GRIK2: variants seen among roughly 807,000 people sequenced by gnomAD.
The protein encoded by GRIK2 is glutamate receptor ionotropic, kainate 2.
Under a neutral mutation model 100.3 loss-of-function variants are expected in GRIK2, and 32 were observed. That is an observed-to-expected ratio of 0.32 (90% CI 0.24 to 0.43). GRIK2 has a LOEUF of 0.43. GRIK2 is among the 20% of genes least tolerant of loss of function. GRIK2 has a pLI of 1.00. For synonymous variants in GRIK2, 417 were observed against 389.4 expected, an observed-to-expected ratio of 1.07 and a Z score of -0.83; for missense variants, 843 against 1,114.9, an observed-to-expected ratio of 0.76 and a Z score of 3.47.
intron 12 of GRIK2, among the ~76,000 whole-genome samples, chr6:101,900,077 G>A (rs900485814): frequency 1.3e-5 from 2 of 152,056 alleles, no homozygotes; most frequent in Admixed American, 1.3e-4. Context: ...ATTTTAAAAT[G>A]TTGATATTAC....
intron 7 of GRIK2, among the ~76,000 whole-genome samples, chr6:101,713,002 G>C (rs1441089216): frequency 6.6e-6 from 1 of 151,584 alleles, no homozygotes; most frequent in Non-Finnish European, 1.5e-5. Flanking sequence ...AAATATGTTT[G>C]GTAAAGATCA....
intron 11 of GRIK2, among the ~76,000 whole-genome samples, chr6:101,888,445 T>G (rs1786811478): frequency 6.6e-6 from 1 of 152,206 alleles, no homozygotes; most frequent in African/African-American, 2.4e-5. Flanking sequence ...ATTATTGTTT[T>G]AAATTGATAT....
At chr6:101,791,324 T>G (rs952259642) in intron 7 of GRIK2, among the ~76,000 whole-genome samples, 12 of 152,204 alleles carry the variant, frequency 7.9e-5, no homozygotes, top group Non-Finnish European at 1.8e-4. Context: ...GGATCTTTCC[T>G]GCTTTCTCTT....
chr6:101,746,304 T>C (rs1776416898), intron 7 of GRIK2, among the ~76,000 whole-genome samples: 1 of 152,302 alleles, frequency 6.6e-6, no homozygotes, highest in South Asian at 2.1e-4. Flanking sequence ...TCCAGTCTTA[T>C]TGTTAACATC....
At chr6:101,579,689 A>G (rs922393196) in intron 2 of GRIK2, among the ~76,000 whole-genome samples, 2 of 151,922 alleles carry the variant, frequency 1.3e-5, no homozygotes, top group African/African-American at 4.8e-5. Context: ...CATCTCTACT[A>G]AAAATACAAA....
chr6:101,909,381 TC>T (rs201113029), intron 12 of GRIK2, among the ~76,000 whole-genome samples: 1,590 of 136,160 alleles, frequency 0.012, 59 homozygotes, highest in Non-Finnish European at 0.016. Context: ...GTTTTCTTTT[TC>T]TTTTTTTTTT....
intron 14 of GRIK2, among the ~76,000 whole-genome samples, chr6:101,964,930 G>T (rs1159332096): frequency 6.6e-6 from 1 of 152,090 alleles, no homozygotes; most frequent in African/African-American, 2.4e-5. Flanking sequence ...AGGGCATAGG[G>T]TGTAGATTAT....
intron 10 of GRIK2, among the ~76,000 whole-genome samples, chr6:101,856,909 T>A (rs1403954637): frequency 2.0e-5 from 3 of 152,112 alleles, no homozygotes; most frequent in Admixed American, 6.5e-5. Context: ...TGTAGGTGGA[T>A]TTTGAATATA....
chr6:101,479,413 G>C (rs1772411582), intron 2 of GRIK2, among the ~76,000 whole-genome samples: 1 of 152,008 alleles, frequency 6.6e-6, no homozygotes, highest in Non-Finnish European at 1.5e-5. Flanking sequence ...TGAAAAACCA[G>C]CCTAATCATT....
At chr6:101,567,607 A>G (rs1777338938) in intron 2 of GRIK2, among the ~76,000 whole-genome samples, 1 of 151,996 alleles carries the variant, frequency 6.6e-6, no homozygotes, top group South Asian at 2.1e-4. Context: ...AAGTCCAGCT[A>G]TAATGCTGCC....
chr6:101,449,829 A>G (rs1388720463), intron 2 of GRIK2, among the ~76,000 whole-genome samples: 2 of 151,726 alleles, frequency 1.3e-5, no homozygotes, highest in Non-Finnish European at 3.0e-5. Flanking sequence ...ATTTTGACAC[A>G]CAAAGGGAGA....
chr6:101,611,863 A>G (rs763162242), intron 2 of GRIK2, among the ~76,000 whole-genome samples: 1 of 151,808 alleles, frequency 6.6e-6, no homozygotes, highest in Non-Finnish European at 1.5e-5. Context: ...TCACTTTTTA[A>G]CCAGCATACA....
chr6:102,012,754 G>C (rs888482912), intron 14 of GRIK2, among the ~76,000 whole-genome samples: 5 of 152,048 alleles, frequency 3.3e-5, no homozygotes, highest in African/African-American at 1.2e-4. Flanking sequence ...TAGGTATGTG[G>C]CCTTATTTCT....
rs746635578 is a variant in GRIK2, at chr6:101,889,768, C to A, written c.1653C>A (p.Gly551=). The change falls in exon 12 of 17, where the codon GGC becomes GGA. Residue 551 remains glycine, a synonymous_variant. Transcript: ENST00000369134. ...LYRKPNGTNP[G]VFSFLNPLSP... is the part of the protein sequence containing the mutation. The stretch of plus-strand genomic sequence containing the variant: ...GCAAGCCCAATGGTACAAACCCAGG[C>A]GTCTTCTCCTTCCTGAATCCTCTCT... 3.2e-5 allele frequency: 51 copies of A among 1,612,714 alleles called. No homozygotes were observed. Among genetic ancestry groups the A allele is most frequent in the African/African-American group, 4.0e-5 (3 of 74,818 alleles).
intron 7 of GRIK2, among the ~76,000 whole-genome samples, chr6:101,788,602 G>T (rs893773350): frequency 2.0e-5 from 3 of 152,008 alleles, no homozygotes; most frequent in Non-Finnish European, 2.9e-5. Flanking sequence ...TCTTAATCGG[G>T]TCTATCATTG....
chr6:101,951,556 G>T (rs1316370242), intron 14 of GRIK2, among the ~76,000 whole-genome samples: 1 of 152,168 alleles, frequency 6.6e-6, no homozygotes, highest in Admixed American at 6.5e-5. Context: ...GACTGATATG[G>T]TTTAGCTGTG....
At chr6:101,603,137 T>C (rs530031633) in intron 2 of GRIK2, among the ~76,000 whole-genome samples, 19 of 150,318 alleles carry the variant, frequency 1.3e-4, no homozygotes, top group African/African-American at 2.2e-4. Flanking sequence ...AAAGATCTTA[T>C]CATATACCTG....
intron 2 of GRIK2, among the ~76,000 whole-genome samples, chr6:101,592,615 A>ATATATATG (rs1554225428): frequency 5.0e-4 from 64 of 127,798 alleles, no homozygotes; most frequent in African/African-American, 1.9e-3. Context: ...ATATATATAT[A>ATATATATG]TATATATATT....
At chr6:101,987,072 G>A (rs1233757105) in intron 14 of GRIK2, among the ~76,000 whole-genome samples, 3 of 151,808 alleles carry the variant, frequency 2.0e-5, no homozygotes, top group African/African-American at 7.2e-5. Flanking sequence ...GGGCCCAGGA[G>A]TTCAAATTTG....
Sources: allele counts gnomAD v4.1 joint callset (sites outside exome capture counted in the v4.1 genomes callset), GRCh38; gene constraint gnomAD v4.1.1; transcripts MANE v1.5; gene names NCBI Gene and HGNC (gene_info 2026-07-23, HGNC 2026-07-21).